GRIK3: variants seen among roughly 807,000 people sequenced by gnomAD.
The protein encoded by GRIK3 is glutamate ionotropic receptor kainate type subunit 3, also known as glutamate receptor ionotropic, kainate 3.
Under a neutral mutation model 102.5 loss-of-function variants are expected in GRIK3, and 29 were observed. The ratio of observed to expected loss-of-function variants is 0.28; its 90% CI spans 0.21 to 0.39. The LOEUF is 0.39. GRIK3 is among the 10% of genes least tolerant of loss of function. The pLI is 1.00. For missense variants in GRIK3, 908 were observed against 1,252.4 expected, an observed-to-expected ratio of 0.73 and a Z score of 4.15; for synonymous variants, 511 against 504.9, an observed-to-expected ratio of 1.01 and a Z score of -0.16.
At chr1:36,912,275 T>C (rs1237603929) in intron 1 of GRIK3, among the ~76,000 whole-genome samples, 2 of 152,134 alleles carry the variant, frequency 1.3e-5, no homozygotes, top group Non-Finnish European at 2.9e-5. Context: ...TGATACTCTC[T>C]GGCAAAGGCG....
At chr1:36,896,827 C>A (rs1335058355) in intron 1 of GRIK3, among the ~76,000 whole-genome samples, 2 of 151,994 alleles carry the variant, frequency 1.3e-5, no homozygotes, top group African/African-American at 2.4e-5. Flanking sequence ...AAAATTTATT[C>A]CTGGAATGCA....
rs369785508 is a variant in GRIK3 at position 36,956,680 on chromosome 1, C to A, written c.116-65584G>T. ...GAGGGGAGCACAGAACAAAAGCCCC[C>A]GAGGTGCACAGGAAACATTTCAGGT... On this transcript the variant is annotated intron_variant, in intron 1 of 15. Transcript: ENST00000373091. Among the ~76,000 whole-genome samples, 10 of 152,258 alleles carry A rather than the reference C, an allele frequency of 6.6e-5. No individual in the cohort carries two copies. In the East Asian group the frequency reaches 1.7e-3, roughly 26 times the overall value.
intron 1 of GRIK3, among the ~76,000 whole-genome samples, chr1:36,927,771 T>G (rs1258759416): frequency 6.6e-6 from 1 of 152,122 alleles, no homozygotes; most frequent in Non-Finnish European, 1.5e-5. Context: ...GGTAATAGAT[T>G]TCAACAGGTT....
chr1:36,836,979 C>G (rs1001743350), intron 10 of GRIK3, among the ~76,000 whole-genome samples: 1 of 151,970 alleles, frequency 6.6e-6, no homozygotes, highest in African/African-American at 2.4e-5. Context: ...AGGCCACTGA[C>G]CCTCCCCCCC....
At chr1:36,974,363 CAT>C (rs1642173959) in intron 1 of GRIK3, among the ~76,000 whole-genome samples, 1 of 152,124 alleles carries the variant, frequency 6.6e-6, no homozygotes, top group Non-Finnish European at 1.5e-5. Context: ...AATATGTTAA[CAT>C]ATATATGTTT....
At chr1:36,937,560 A>G (rs768097288) in intron 1 of GRIK3, among the ~76,000 whole-genome samples, 2 of 152,210 alleles carry the variant, frequency 1.3e-5, no homozygotes, top group Non-Finnish European at 2.9e-5. Context: ...AACCCCAGAG[A>G]TAAAGTCCCG....
Position 36,872,398 on chromosome 1 carries a change from AC to A in GRIK3, c.551-30del. 1 of 1,527,672 alleles carries A rather than the reference AC, an allele frequency of 6.5e-7. No homozygotes were observed. Among genetic ancestry groups the A allele is most frequent in the Non-Finnish European group, 8.9e-7 (1 of 1,125,474 alleles). 94.6% of individuals were successfully genotyped at this position (1,527,672 alleles called of 1,614,324 possible). A position where few individuals can be genotyped will look rare whatever the true frequency, so the allele number is the denominator to read the frequency against. On this transcript the variant is annotated intron_variant, in intron 3 of 15. Transcript: ENST00000373091. The surrounding 1 kb of genome is among the most constrained non-coding windows in gnomAD (Gnocchi z 5.9). Reference sequence around the variant, plus strand: ...AGGGGCCATGGAGCACAAAAGACACACGTGTACCACATGTATCCACAGCTCC... The same window carrying A: ...AGGGGCCATGGAGCACAAAAGACACAGTGTACCACATGTATCCACAGCTCC...
chr1:37,029,102 C>A (rs1401447535), intron 1 of GRIK3, among the ~76,000 whole-genome samples: 1 of 151,172 alleles, frequency 6.6e-6, no homozygotes, highest in Non-Finnish European at 1.5e-5. Context: ...GCACACTGCC[C>A]TCTGGTGCTG....
At chr1:36,845,161 G>T (rs943831723) in intron 9 of GRIK3, among the ~76,000 whole-genome samples, 6 of 152,206 alleles carry the variant, frequency 3.9e-5, no homozygotes, top group Admixed American at 6.5e-5. Flanking sequence ...TTCCTAGGGG[G>T]TAATTCTGAA....
rs747863676 is a variant in GRIK3, at chr1:36,872,211, T to C, written c.709A>G (p.Met237Val). Residue 237 changes from methionine to valine, a missense_variant, in exon 4 of 16, where the codon ATG (methionine) becomes GTG (valine). By Grantham distance (21) the Met-to-Val change is conservative. Transcript: ENST00000373091. This position sits in a 1 kb window ranked among gnomAD's most constrained non-coding sequence, Gnocchi z 5.9. ...ACCTGCTTGAGGATCTGGGCCGCCA[T>C]AGTGTGGCTGCAGTCGAAGATAATG... ...FRIIFDCSHT[M>V]AAQILKQAMA... 5.0e-6 allele frequency: 8 copies of C among 1,606,076 alleles called. No individual in the cohort carries two copies. The Admixed American group carries it at 5.1e-5, about 10-fold the overall frequency.
In GRIK3 at chr1:36,880,810, C is replaced by A; in HGVS notation, c.374G>T (p.Cys125Phe). 6.2e-7 allele frequency: 1 copy of A among 1,613,988 alleles called. No individual in the cohort carries two copies. Among genetic ancestry groups the A allele is most frequent in the Non-Finnish European group, 8.5e-7 (1 of 1,179,846 alleles). ...GATGTGGGGCACCTCCAGGGCATTGCAGATGGACTGGACGGCATTGGTGCA... is the reference window on the plus strand; with the variant it reads ...GATGTGGGGCACCTCCAGGGCATTGAAGATGGACTGGACGGCATTGGTGCA... Reference protein sequence around the residue: ...GSCTNAVQSICNALEVPHIQL... With the variant: ...GSCTNAVQSIFNALEVPHIQL... Residue 125 changes from cysteine (C) to phenylalanine (F), a missense_variant, in exon 3 of 16, where the codon TGC becomes TTC. Around this residue, in one of 3 missense-constraint regions of GRIK3, gnomAD observed 585 missense variants for 824.9 expected, o/e 0.71. Coordinates refer to ENST00000373091, the MANE Select transcript of GRIK3 (RefSeq NM_000831.4). The surrounding 1 kb of genome is among the most constrained non-coding windows in gnomAD (Gnocchi z 5.4).
At chr1:36,808,740 T>C (rs1270518858) in intron 13 of GRIK3, among the ~76,000 whole-genome samples, 1 of 152,202 alleles carries the variant, frequency 6.6e-6, no homozygotes, top group African/African-American at 2.4e-5. Context: ...CCACAAGCTG[T>C]GAGATAGCAA....
At position 36,910,507 on chromosome 1, in the gene GRIK3, A is replaced by T. The variant is rs1485034390; in HGVS notation, c.116-19411T>A. ...GCGCCTTAGCCAGACCCCTGGGGGA[A>T]CTGGTGGTGTCTCTGAACCTGCTTC... On this transcript the variant is annotated intron_variant, in intron 1 of 15. Coordinates refer to ENST00000373091, the MANE Select transcript of GRIK3 (RefSeq NM_000831.4). Among the ~76,000 whole-genome samples, 3 of 151,944 alleles carry T rather than the reference A, an allele frequency of 2.0e-5. No individual in the cohort carries two copies. In the East Asian group the frequency reaches 5.8e-4, roughly 30 times the overall value.
At chr1:37,029,401 C>A (rs985674111) in intron 1 of GRIK3, among the ~76,000 whole-genome samples, 2 of 152,184 alleles carry the variant, frequency 1.3e-5, no homozygotes, top group Non-Finnish European at 2.9e-5. Context: ...GAGTGAAGCA[C>A]CCGCTGTTTC....
chr1:36,821,724 T>C (rs186188687), intron 11 of GRIK3, among the ~76,000 whole-genome samples: 16 of 152,158 alleles, frequency 1.1e-4, no homozygotes, highest in Non-Finnish European at 5.9e-5. Context: ...GGGCACAGGC[T>C]GCTGGAGGAC....
intron 1 of GRIK3, among the ~76,000 whole-genome samples, chr1:36,897,104 C>T (rs1470644463): frequency 2.6e-5 from 4 of 152,298 alleles, no homozygotes; most frequent in Admixed American, 2.0e-4. Context: ...AGGATGTTCA[C>T]TTTCACCACT....
At chr1:36,892,621 C>G (rs1570783715) in intron 1 of GRIK3, among the ~76,000 whole-genome samples, 2 of 151,572 alleles carry the variant, frequency 1.3e-5, no homozygotes, top group South Asian at 4.1e-4. Context: ...TCAGTTTTTC[C>G]AAATTAATTT....
intron 1 of GRIK3, 57 bp downstream of exon 1, chr1:37,033,937 C>T (rs1642858208): frequency 5.0e-6 from 5 of 992,580 alleles, no homozygotes; most frequent in Non-Finnish European, 1.5e-6. Flanking sequence ...TGGGAGGCCC[C>T]CTCATTCCCG....
chr1:36,812,866 C>T (rs1642579241), intron 13 of GRIK3, among the ~76,000 whole-genome samples: 1 of 152,250 alleles, frequency 6.6e-6, no homozygotes. Flanking sequence ...ATACAGGCTG[C>T]CCACTCAGTT....
Sources: allele counts gnomAD v4.1 joint callset (sites outside exome capture counted in the v4.1 genomes callset), GRCh38; gene constraint gnomAD v4.1.1; regional missense constraint gnomAD v4.1.1; non-coding constraint Gnocchi (gnomAD v3.1); transcripts MANE v1.5; gene names NCBI Gene and HGNC (gene_info 2026-07-23, HGNC 2026-07-21).